The following PDK3 variants were observed in gnomAD, a reference collection of about 807,000 sequenced individuals.
PDK3 encodes pyruvate dehydrogenase kinase, isozyme 3.
A neutral mutation model predicts 32.0 loss-of-function variants in PDK3; 12 were observed. That is an observed-to-expected ratio of 0.37 (90% CI 0.24 to 0.61). PDK3 has a LOEUF of 0.61. Among genes scored for constraint, PDK3 ranks in the 20% least tolerant of loss-of-function variants. The pLI is 0.65. For missense variants in PDK3, 188 were observed against 316.9 expected, an observed-to-expected ratio of 0.59 and a Z score of 3.09; for synonymous variants, 122 against 116.3, an observed-to-expected ratio of 1.05 and a Z score of -0.31.
chrX:24,541,053 G>A (rs1296351666), exon 12 of PDK3, among the ~76,000 whole-genome samples: 2 of 106,119 alleles, frequency 1.9e-5, no homozygotes, highest in Admixed American at 2.1e-4. Context: ...GGGATTACAG[G>A]CATGCACCAC....
chrX:24,531,763 A>C lies in PDK3; in HGVS notation c.1070A>C (p.Tyr357Ser), dbSNP rs1247748997. Reference protein sequence around the residue: ...MEGVGTDAVIYLKALSSESFE... With the variant: ...MEGVGTDAVISLKALSSESFE... Reference sequence around the variant, plus strand: ...GGAGTGGGTACTGATGCTGTCATTTATTTGAAGGTACTGCGTTTTATTTGT... The same window carrying C: ...GGAGTGGGTACTGATGCTGTCATTTCTTTGAAGGTACTGCGTTTTATTTGT... The change falls in exon 10 of 11, where the codon TAT (tyrosine) becomes TCT (serine). Residue 357 changes from tyrosine to serine, a missense_variant. Tyr to Ser is a moderately radical substitution (Grantham distance 144). Transcript: ENST00000379162. 1 of 1,088,515 alleles carries C rather than the reference A, an allele frequency of 9.2e-7. No homozygotes were observed. The highest frequency in any genetic ancestry group is 1.3e-6 in the Non-Finnish European group (1 of 788,212). 89.7% of individuals were successfully genotyped at this position (1,088,515 alleles called of 1,213,427 possible). A position where few individuals can be genotyped will look rare whatever the true frequency, so the allele number is the denominator to read the frequency against.
At chrX:24,488,132 A>G (rs1199921212) in intron 1 of PDK3, among the ~76,000 whole-genome samples, 3 of 110,989 alleles carry the variant, frequency 2.7e-5, no homozygotes, top group African/African-American at 9.8e-5. Flanking sequence ...CAGGGTTATC[A>G]GCCACTATGT....
intron 1 of PDK3, among the ~76,000 whole-genome samples, chrX:24,493,796 C>G (rs978712546): frequency 8.9e-6 from 1 of 112,230 alleles, no homozygotes. Flanking sequence ...GGTTTCACAA[C>G]CTGCAAATGG....
intron 1 of PDK3, among the ~76,000 whole-genome samples, chrX:24,467,746 TGAG>T (rs904154844): frequency 9.0e-6 from 1 of 111,441 alleles, no homozygotes; most frequent in South Asian, 3.7e-4. Flanking sequence ...ATTTTTAAGG[TGAG>T]GAGAGAGGAG....
At chrX:24,539,908 A>G (rs1035403544) in exon 12 of PDK3, 1 of 112,397 alleles carries the variant, frequency 8.9e-6, no homozygotes, top group African/African-American at 3.2e-5. Context: ...CCAAATTTGT[A>G]CAGAGTGTGA....
Position 24,546,822 on chromosome X carries a change from A to G in PDK3, c.*7658A>G, listed in dbSNP as rs1263887850. On this transcript the variant is annotated 3_prime_UTR_variant, in exon 12 of 12. Transcript: ENST00000568479. ...AGGTAGGGCCAATTTGTCACCCTTT[A>G]AATAGACTTATTTGCATATAAACTA... 2.7e-5 allele frequency: 3 copies of G among 112,409 alleles called. No homozygotes were observed. The East Asian group carries it at 8.3e-4, about 31-fold the overall frequency. 9.3% of individuals were successfully genotyped at this position (112,409 alleles called of 1,213,427 possible).
exon 12 of PDK3, among the ~76,000 whole-genome samples, chrX:24,541,178 T>A (rs1922888119): frequency 9.2e-6 from 1 of 109,009 alleles, no homozygotes; most frequent in Non-Finnish European, 1.9e-5. Flanking sequence ...CCCATAGTGC[T>A]GGGATTACAG....
chrX:24,481,757 G>A (rs1314978193), intron 1 of PDK3, among the ~76,000 whole-genome samples: 1 of 112,102 alleles, frequency 8.9e-6, no homozygotes, highest in African/African-American at 3.2e-5. Flanking sequence ...TGCCATGATT[G>A]TAAGTTTCCT....
chrX:24,508,782 G>A (rs771422298), intron 5 of PDK3, among the ~76,000 whole-genome samples: 1 of 110,726 alleles, frequency 9.0e-6, no homozygotes, highest in East Asian at 2.8e-4. Context: ...GCGTGATCTC[G>A]GCTCACTGCA....
intron 1 of PDK3, among the ~76,000 whole-genome samples, chrX:24,471,063 G>A (rs2319413): frequency 0.38 from 41,314 of 109,239 alleles, 5,963 homozygotes; most frequent in African/African-American, 0.51. Context: ...GGAGGTGGGG[G>A]GGCTAGGGGA....
At chrX:24,539,408 G>A (rs989134921), downstream of PDK3, 25 of 368,669 alleles carry the variant, frequency 6.8e-5, no homozygotes, top group Admixed American at 9.5e-5. Context: ...GCCTGTCACC[G>A]AAGAGCACAG....
chrX:24,518,701 G>A (rs1007164824), intron 5 of PDK3, among the ~76,000 whole-genome samples: 1 of 111,649 alleles, frequency 9.0e-6, no homozygotes, highest in Non-Finnish European at 1.9e-5. Flanking sequence ...ATAGAAAAGA[G>A]AAATTTTGCA....
intron 1 of PDK3, among the ~76,000 whole-genome samples, chrX:24,474,383 T>TTTTTTTTATTTATTTATTTA (rs367964670): frequency 4.1e-5 from 4 of 96,805 alleles, no homozygotes; most frequent in African/African-American, 1.5e-4. Context: ...TATAAGTTTA[T>TTTTTTTTATTTATTTATTTA]TTTATTTATT....
chrX:24,537,974 C>A (rs1487205216), downstream of PDK3, among the ~76,000 whole-genome samples: 6 of 112,123 alleles, frequency 5.4e-5, no homozygotes, highest in Non-Finnish European at 1.1e-4. Flanking sequence ...ATATCAATTT[C>A]TGTTGATTCC....
intron 1 of PDK3, among the ~76,000 whole-genome samples, chrX:24,479,717 A>G: frequency 9.0e-6 from 1 of 110,623 alleles, no homozygotes; most frequent in Middle Eastern, 4.7e-3. Context: ...CCAGGGAGGC[A>G]GAGGTTGCAG....
At chrX:24,470,849 A>G (rs775972235) in intron 1 of PDK3, among the ~76,000 whole-genome samples, 19 of 109,195 alleles carry the variant, frequency 1.7e-4, no homozygotes, top group Non-Finnish European at 3.2e-4. Flanking sequence ...AGGTTAGTTG[A>G]TGATTTATTG....
At chrX:24,487,789 C>T (rs1371142751) in intron 1 of PDK3, among the ~76,000 whole-genome samples, 1 of 109,506 alleles carries the variant, frequency 9.1e-6, no homozygotes, top group Non-Finnish European at 1.9e-5. Flanking sequence ...GAACAATGGA[C>T]AAAGAAAGCC....
At chrX:24,496,908 A>C (rs1921728337) in intron 2 of PDK3, among the ~76,000 whole-genome samples, 1 of 101,614 alleles carries the variant, frequency 9.8e-6, no homozygotes, top group African/African-American at 3.7e-5. Context: ...CAACCTCCCA[A>C]GTAGCTGGGA....
chrX:24,466,848 A>G (rs1023849555), intron 1 of PDK3, among the ~76,000 whole-genome samples: 2 of 112,094 alleles, frequency 1.8e-5, no homozygotes, highest in African/African-American at 6.5e-5. Context: ...CTGACTTTAG[A>G]GTTTAGAAAA....
Sources: allele counts gnomAD v4.1 joint callset (sites outside exome capture counted in the v4.1 genomes callset), GRCh38; gene constraint gnomAD v4.1.1; transcripts MANE v1.5; gene names NCBI Gene and HGNC (gene_info 2026-07-23, HGNC 2026-07-21).